Variants in PAK3 observed in about 807,000 individuals in gnomAD.
PAK3 encodes the protein p21 (RAC1) activated kinase 3.
In PAK3, 4 loss-of-function variants were observed where a neutral mutation model predicts 41.0. That is an observed-to-expected ratio of 0.10 (90% CI 0.05 to 0.22). The LOEUF (loss-of-function observed/expected upper bound fraction) is 0.22, where lower values mean the gene tolerates loss of function less well. Among genes scored for constraint, PAK3 ranks in the 10% least tolerant of loss-of-function variants. PAK3 has a pLI of 1.00. For missense variants in PAK3, 205 were observed against 409.9 expected, an observed-to-expected ratio of 0.50 and a Z score of 4.32; for synonymous variants, 146 against 139.6, an observed-to-expected ratio of 1.05 and a Z score of -0.32.
chrX:111,033,787 C>T (rs1008065200), intron 1 of PAK3, among the ~76,000 whole-genome samples: 3 of 111,986 alleles, frequency 2.7e-5, no homozygotes, highest in African/African-American at 9.7e-5. Context: ...TGCAAAACAG[C>T]ACTATGGTTG....
chrX:110,972,765 C>T (rs765050932), intron 1 of PAK3, among the ~76,000 whole-genome samples: 14 of 111,196 alleles, frequency 1.3e-4, no homozygotes, highest in Admixed American at 4.8e-4. Context: ...CAAACTTCTC[C>T]GAGCCAGAGG....
chrX:111,181,478 C>G (rs978606265), intron 11 of PAK3, among the ~76,000 whole-genome samples: 4 of 110,725 alleles, frequency 3.6e-5, no homozygotes, highest in Non-Finnish European at 7.6e-5. Flanking sequence ...AGCCCTCAGT[C>G]CCCCCCGTCT....
chrX:111,059,309 A>G (rs1027477338), intron 1 of PAK3, among the ~76,000 whole-genome samples: 11 of 109,946 alleles, frequency 1.0e-4, no homozygotes, highest in Admixed American at 7.8e-4. Context: ...CAGGTGTGTA[A>G]CACCATGCCT....
chrX:111,146,847 C>A (rs372854388), intron 6 of PAK3, among the ~76,000 whole-genome samples: 1 of 111,787 alleles, frequency 8.9e-6, no homozygotes, highest in Non-Finnish European at 1.9e-5. Flanking sequence ...ATTGGGACTT[C>A]TGTAGGCTGG....
intron 10 of PAK3, among the ~76,000 whole-genome samples, chrX:111,166,718 C>A (rs1189989588): frequency 4.5e-5 from 5 of 111,842 alleles, no homozygotes; most frequent in Non-Finnish European, 9.4e-5. Context: ...GCTGTGTCAC[C>A]TAGGGCCAGT....
chrX:111,017,208 G>A (rs1028046298), intron 1 of PAK3, among the ~76,000 whole-genome samples: 1 of 110,450 alleles, frequency 9.1e-6, no homozygotes, highest in Non-Finnish European at 1.9e-5. Flanking sequence ...AGAGGAAAGA[G>A]ACCAATAAAG....
At chrX:111,047,330 G>A (rs769918271) in intron 1 of PAK3, among the ~76,000 whole-genome samples, 7 of 111,278 alleles carry the variant, frequency 6.3e-5, no homozygotes, top group Admixed American at 3.8e-4. Context: ...AGACAGAACC[G>A]TGTTATCAGA....
chrX:111,158,039 T>G (rs1232944622), intron 8 of PAK3, among the ~76,000 whole-genome samples: 3 of 111,980 alleles, frequency 2.7e-5, no homozygotes, highest in Non-Finnish European at 5.6e-5. Flanking sequence ...CTATGTTTAT[T>G]AAACTTAGAG....
intron 1 of PAK3, among the ~76,000 whole-genome samples, chrX:111,085,224 T>G (rs1332307574): frequency 8.9e-6 from 1 of 112,028 alleles, no homozygotes. Flanking sequence ...AAAAAAATGT[T>G]TTTTTCAATT....
chrX:111,176,101 T>C (rs895625144), intron 11 of PAK3, among the ~76,000 whole-genome samples: 3 of 111,201 alleles, frequency 2.7e-5, no homozygotes, highest in Non-Finnish European at 5.7e-5. Flanking sequence ...TAGTAGGCCC[T>C]CTGAAATAAT....
chrX:111,048,680 C>T (rs1242200745), intron 1 of PAK3, among the ~76,000 whole-genome samples: 1 of 111,914 alleles, frequency 8.9e-6, no homozygotes, highest in East Asian at 2.8e-4. Context: ...GTTCTATTGG[C>T]TCCCCCTCAA....
chrX:111,073,143 T>G (rs1490220337), intron 1 of PAK3, among the ~76,000 whole-genome samples: 2 of 111,327 alleles, frequency 1.8e-5, no homozygotes, highest in Non-Finnish European at 3.8e-5. Flanking sequence ...TTGGAGGGGC[T>G]ACCACTATCT....
At chrX:110,999,006 A>G (rs2091797087) in intron 1 of PAK3, among the ~76,000 whole-genome samples, 1 of 111,727 alleles carries the variant, frequency 9.0e-6, no homozygotes, top group Non-Finnish European at 1.9e-5. Flanking sequence ...AGGGCATGTT[A>G]TATCTCTGTA....
intron 8 of PAK3, among the ~76,000 whole-genome samples, chrX:111,156,764 T>C (rs2094112620): frequency 8.9e-6 from 1 of 111,990 alleles, no homozygotes; most frequent in African/African-American, 3.2e-5. Context: ...GGGATAGATC[T>C]CATAGTCATA....
chrX:110,967,889 G>A (rs1358193442), intron 1 of PAK3, among the ~76,000 whole-genome samples: 1 of 111,634 alleles, frequency 9.0e-6, no homozygotes, highest in Non-Finnish European at 1.9e-5. Flanking sequence ...TTCATCTCAT[G>A]TGTGGGTTTG....
At chrX:111,188,469 C>T (rs905697631) in intron 11 of PAK3, among the ~76,000 whole-genome samples, 2 of 111,207 alleles carry the variant, frequency 1.8e-5, no homozygotes, top group African/African-American at 6.6e-5. Flanking sequence ...TTGATAAAGG[C>T]GTTCCAACTT....
chrX:111,081,502 CACAGGGTCTCA>C (rs2092834855), intron 1 of PAK3, among the ~76,000 whole-genome samples: 1 of 110,196 alleles, frequency 9.1e-6, no homozygotes, highest in Non-Finnish European at 1.9e-5. Context: ...GAGACCCTGT[CACAGGGTCTCA>C]ATAGCAAGAG....
chrX:111,160,582 C>T (rs1247491798), intron 8 of PAK3, among the ~76,000 whole-genome samples: 2 of 107,682 alleles, frequency 1.9e-5, no homozygotes, highest in Non-Finnish European at 3.9e-5. Flanking sequence ...CATCATTTAG[C>T]ATTAGGTATA....
chrX:111,004,182 T>A (rs987869241), intron 1 of PAK3, among the ~76,000 whole-genome samples: 1 of 111,513 alleles, frequency 9.0e-6, no homozygotes, highest in African/African-American at 3.3e-5. Flanking sequence ...TGATACTAGG[T>A]TGTGGAGAGA....
Sources: gnomAD v4.1 joint callset for allele counts (sites outside exome capture counted in the v4.1 genomes callset) on GRCh38, gnomAD v4.1.1 for gene constraint, MANE v1.5 for transcripts, NCBI Gene and HGNC (gene_info 2026-07-23, HGNC 2026-07-21) for gene names.